Variants in KYNU observed in about 807,000 individuals in gnomAD.
The protein encoded by KYNU is kynureninase.
KYNU carries 54 observed loss-of-function variants against 59.2 expected under a neutral mutation model. The observed-to-expected ratio is 0.91, with a 90% CI of 0.73 to 1.14. KYNU has a LOEUF of 1.14. Ranked by LOEUF, KYNU falls within the 50% of genes most tolerant of loss-of-function variation. The probability of loss-of-function intolerance (pLI) is 0.00; values close to 1 mark genes in which losing one functional copy is unlikely to be tolerated. For missense variants in KYNU, 567 were observed against 554.4 expected (o/e 1.02, Z -0.23); for synonymous variants, 177 against 192.0 (o/e 0.92, Z 0.65).
In KYNU at chr2:142,926,600, C is replaced by G. The variant is rs115243835; in HGVS notation, c.291-1059C>G. 2.7e-3 allele frequency among the ~76,000 whole-genome samples: 408 copies of G among 152,200 alleles called. 2 individuals are homozygous for G. The highest frequency in any genetic ancestry group is 4.1e-3 in the Non-Finnish European group (282 of 68,020). ...TCATGTAGAGGAAGAGTTCCAGTTG[C>G]GGAGATGCAGTGAGTAATCACACCA... On this transcript the variant is annotated intron_variant, in intron 3 of 13. Transcript: ENST00000264170.
chr2:142,935,004 T>A (rs528359302), intron 4 of KYNU, among the ~76,000 whole-genome samples: 1 of 152,264 alleles, frequency 6.6e-6, no homozygotes, highest in South Asian at 2.1e-4. Flanking sequence ...GCGGGCCTGG[T>A]GGAGGTAAGC....
chr2:142,978,600 G>GT (rs1209121872), intron 8 of KYNU, among the ~76,000 whole-genome samples: 6 of 152,160 alleles, frequency 3.9e-5, no homozygotes, highest in African/African-American at 7.2e-5. Flanking sequence ...GTCCCTAGCA[G>GT]TGAACATTCA....
At chr2:142,977,905 C>T (rs79721078) in intron 8 of KYNU, among the ~76,000 whole-genome samples, 4,945 of 152,206 alleles carry the variant, frequency 0.032, 250 homozygotes, top group African/African-American at 0.11. Flanking sequence ...TAGAAATTCA[C>T]TCTGAAAAGA....
chr2:142,907,687 C>T (rs1257867085), intron 2 of KYNU, among the ~76,000 whole-genome samples: 1 of 152,174 alleles, frequency 6.6e-6, no homozygotes, highest in Non-Finnish European at 1.5e-5. Context: ...TCATTGTCCC[C>T]CCGTTGTGCT....
rs1038159190 is a variant in KYNU at position 143,045,348 on chromosome 2, G to T, written c.*3176G>T. The T allele has an allele frequency of 3.9e-5, 6 of 152,118 alleles. No homozygotes were observed. Among genetic ancestry groups the T allele is most frequent in the African/African-American group, 1.4e-4 (6 of 41,432 alleles). The allele number at this position is 152,118 out of a possible 1,614,324, so 9.4% of individuals were successfully genotyped here. Reference sequence around the variant, plus strand: ...TTGGTTCCATATGAAATTTAAAGTAGTTTTTTCTAATTCTGTGAAGAAAGA... The same window carrying T: ...TTGGTTCCATATGAAATTTAAAGTATTTTTTTCTAATTCTGTGAAGAAAGA... On this transcript the variant is annotated 3_prime_UTR_variant, in exon 14 of 14. Transcript: ENST00000264170.
chr2:142,958,628 G>A (rs1444075394), intron 7 of KYNU, among the ~76,000 whole-genome samples: 1 of 152,090 alleles, frequency 6.6e-6, no homozygotes, highest in Non-Finnish European at 1.5e-5. Context: ...TAAATTGAGA[G>A]GATATAAATT....
At chr2:142,987,692 A>T (rs549434106) in intron 10 of KYNU, among the ~76,000 whole-genome samples, 10 of 152,002 alleles carry the variant, frequency 6.6e-5, no homozygotes, top group Admixed American at 5.3e-4. Flanking sequence ...TGAGAATAAA[A>T]TGAGATGATG....
intron 4 of KYNU, among the ~76,000 whole-genome samples, chr2:142,937,046 T>G (rs1683414208): frequency 6.6e-6 from 1 of 152,130 alleles, no homozygotes; most frequent in Admixed American, 6.5e-5. Context: ...GGTTTTATAG[T>G]CTCCTGTAAA....
chr2:142,913,403 C>A (rs895946999), intron 2 of KYNU, among the ~76,000 whole-genome samples: 1 of 152,084 alleles, frequency 6.6e-6, no homozygotes, highest in African/African-American at 2.4e-5. Context: ...TCTCTGTTTT[C>A]ATTTATTTCA....
chr2:142,986,011 A>C lies in KYNU; in HGVS notation c.892A>C (p.Ile298Leu). 6.2e-7 allele frequency: 1 copy of C among 1,609,340 alleles called. No homozygotes were observed. The highest frequency in any genetic ancestry group is 1.3e-5 in the African/African-American group (1 of 74,828). ...CATTCATGAAAAGCATGCCCATACG[A>C]TTAAACCTGCGTGAGTACCATCTTC... ...AFIHEKHAHTIKPALVGWFGH... is the reference protein window; with the variant it reads ...AFIHEKHAHTLKPALVGWFGH... Residue 298 changes from isoleucine to leucine, a missense_variant, in exon 10 of 14, where the codon ATT becomes CTT. Physicochemically the swap from Ile to Leu is conservative, Grantham distance 5. Transcript: ENST00000264170.
intron 4 of KYNU, among the ~76,000 whole-genome samples, chr2:142,938,948 C>T (rs1012882647): frequency 6.6e-6 from 1 of 151,378 alleles, no homozygotes; most frequent in African/African-American, 2.4e-5. Flanking sequence ...TAGTGAGACC[C>T]CGTCTCTACA....
At chr2:142,987,507 A>G (rs1405559548) in intron 10 of KYNU, among the ~76,000 whole-genome samples, 1 of 151,932 alleles carries the variant, frequency 6.6e-6, no homozygotes, top group Non-Finnish European at 1.5e-5. Flanking sequence ...CTTCTAGACA[A>G]TGTTTAAATC....
intron 3 of KYNU, among the ~76,000 whole-genome samples, chr2:142,923,043 A>G (rs544929294): frequency 1.3e-5 from 2 of 152,290 alleles, no homozygotes; most frequent in South Asian, 4.1e-4. Context: ...CTGTTTTACA[A>G]GGGTACTAAT....
chr2:143,012,932 A>G lies in KYNU; in HGVS notation c.903-16695A>G, dbSNP rs1020113721. On this transcript the variant is annotated intron_variant, in intron 10 of 13. Transcript: ENST00000264170. The stretch of plus-strand genomic sequence containing the variant: ...TATATTTGAATTTTTTTTAGATTTC[A>G]TACATAAGTGAGATCATGCAATTTT... Among the ~76,000 whole-genome samples the G allele has an allele frequency of 5.3e-5, 8 of 152,206 alleles. No individual in the cohort carries two copies. The South Asian group carries it at 1.7e-3, about 32-fold the overall frequency.
chr2:142,977,349 CTTCCTGGATGGAA>C, intron 8 of KYNU, among the ~76,000 whole-genome samples: 2 of 101,558 alleles, frequency 2.0e-5, no homozygotes, highest in Middle Eastern at 9.3e-3. Context: ...AGGTGGCTAG[CTTCCTGGATGGAA>C]TTTTGTGTGG....
chr2:142,910,353 G>A (rs1022971602), intron 2 of KYNU, among the ~76,000 whole-genome samples: 3 of 151,796 alleles, frequency 2.0e-5, no homozygotes, highest in South Asian at 4.2e-4. Flanking sequence ...TGCCAGGATG[G>A]TCTCAATCTC....
At chr2:142,980,554 T>A (rs1685023502) in intron 8 of KYNU, among the ~76,000 whole-genome samples, 1 of 152,132 alleles carries the variant, frequency 6.6e-6, no homozygotes, top group South Asian at 2.1e-4. Flanking sequence ...ATGGGGGCTC[T>A]GTGAACAAAG....
At chr2:142,961,581 A>G (rs987235340) in intron 8 of KYNU, among the ~76,000 whole-genome samples, 5 of 152,222 alleles carry the variant, frequency 3.3e-5, no homozygotes, top group Non-Finnish European at 5.9e-5. Flanking sequence ...CAAATTTTAT[A>G]CAAGTTACTT....
At chr2:142,935,556 G>A (rs1683362235) in intron 4 of KYNU, among the ~76,000 whole-genome samples, 1 of 152,166 alleles carries the variant, frequency 6.6e-6, no homozygotes, top group South Asian at 2.1e-4. Flanking sequence ...GGTCATGCCA[G>A]GTTAGTTTAT....
Sources: allele counts gnomAD v4.1 joint callset (sites outside exome capture counted in the v4.1 genomes callset), GRCh38; gene constraint gnomAD v4.1.1; transcripts MANE v1.5; gene names NCBI Gene and HGNC (gene_info 2026-07-23, HGNC 2026-07-21).